Variants in GPR39 observed in about 807,000 individuals in gnomAD.
The protein encoded by GPR39 is zinc sensing receptor.
GPR39 carries 23 observed loss-of-function variants against 18.4 expected under a neutral mutation model. The ratio of observed to expected loss-of-function variants is 1.25; its 90% CI spans 0.90 to 1.77. The LOEUF (loss-of-function observed/expected upper bound fraction) is 1.77, where lower values mean the gene tolerates loss of function less well. Among genes scored for constraint, GPR39 ranks in the 40% most tolerant of loss-of-function variants. The probability of loss-of-function intolerance (pLI) is 0.00; values close to 1 mark genes in which losing one functional copy is unlikely to be tolerated. For missense variants in GPR39, 647 were observed against 602.4 expected, an observed-to-expected ratio of 1.07 and a Z score of -0.78; for synonymous variants, 280 against 257.9, an observed-to-expected ratio of 1.09 and a Z score of -0.82.
At chr2:132,515,232 T>C (rs1397397398) in intron 1 of GPR39, among the ~76,000 whole-genome samples, 1 of 152,152 alleles carries the variant, frequency 6.6e-6, no homozygotes, top group Non-Finnish European at 1.5e-5. Context: ...TAAGTCTCCT[T>C]CTAGTGACAA....
intron 1 of GPR39, among the ~76,000 whole-genome samples, chr2:132,542,055 G>A (rs554900612): frequency 1.4e-4 from 22 of 152,180 alleles, no homozygotes; most frequent in African/African-American, 4.8e-4. Flanking sequence ...ATGAAGCTCT[G>A]CTCTCAGGAC....
chr2:132,480,062 G>A (rs1479774167), intron 1 of GPR39, among the ~76,000 whole-genome samples: 2 of 152,186 alleles, frequency 1.3e-5, no homozygotes, highest in African/African-American at 4.8e-5. Context: ...ACGTGTAGTG[G>A]AATATTATTC....
At chr2:132,530,470 G>T (rs561097921) in intron 1 of GPR39, among the ~76,000 whole-genome samples, 1 of 152,132 alleles carries the variant, frequency 6.6e-6, no homozygotes, top group Admixed American at 6.5e-5. Flanking sequence ...ATCTAGCAAG[G>T]CAGGCCAACA....
intron 1 of GPR39, among the ~76,000 whole-genome samples, chr2:132,452,072 GT>G (rs1409485959): frequency 6.6e-6 from 1 of 152,096 alleles, no homozygotes; most frequent in Non-Finnish European, 1.5e-5. Flanking sequence ...GAGTCACACT[GT>G]TTTTTGGAGG....
intron 1 of GPR39, among the ~76,000 whole-genome samples, chr2:132,628,951 C>G (rs140046207): frequency 6.6e-6 from 1 of 152,262 alleles, no homozygotes; most frequent in African/African-American, 2.4e-5. Flanking sequence ...TCAGAGTGAC[C>G]CAGGCATGGA....
chr2:132,641,116 C>T (rs1056861205), intron 1 of GPR39, among the ~76,000 whole-genome samples: 3 of 152,126 alleles, frequency 2.0e-5, no homozygotes, highest in Non-Finnish European at 4.4e-5. Flanking sequence ...TCCCAACAGC[C>T]CTGCCAAGTA....
At chr2:132,510,413 C>T (rs553681470) in intron 1 of GPR39, among the ~76,000 whole-genome samples, 1 of 152,226 alleles carries the variant, frequency 6.6e-6, no homozygotes, top group East Asian at 1.9e-4. Context: ...AGCTGAGGGA[C>T]CCCAGAAAGC....
intron 1 of GPR39, among the ~76,000 whole-genome samples, chr2:132,455,826 T>A (rs1680711939): frequency 6.6e-6 from 1 of 152,244 alleles, no homozygotes; most frequent in Non-Finnish European, 1.5e-5. Context: ...TCTAATTTGA[T>A]TGCACTGGGG....
At chr2:132,492,043 A>ATATACACCACATATATATG (rs1558814053) in intron 1 of GPR39, among the ~76,000 whole-genome samples, 4 of 150,202 alleles carry the variant, frequency 2.7e-5, no homozygotes, top group Admixed American at 6.6e-5. Context: ...CACCACATAT[A>ATATACACCACATATATATG]TATACACCAC....
At chr2:132,571,069 C>T (rs1031899508) in intron 1 of GPR39, among the ~76,000 whole-genome samples, 2 of 152,120 alleles carry the variant, frequency 1.3e-5, no homozygotes, top group African/African-American at 4.8e-5. Flanking sequence ...GTACATTGTG[C>T]CCAAATAGTA....
chr2:132,565,031 A>T (rs542345021), intron 1 of GPR39, among the ~76,000 whole-genome samples: 1 of 151,604 alleles, frequency 6.6e-6, no homozygotes, highest in Admixed American at 6.6e-5. Context: ...GTTGGCCAGG[A>T]TGGTCTCGAA....
chr2:132,528,937 T>A (rs1158415183), intron 1 of GPR39, among the ~76,000 whole-genome samples: 3 of 152,126 alleles, frequency 2.0e-5, no homozygotes, highest in Non-Finnish European at 4.4e-5. Flanking sequence ...GCTCCCAGCA[T>A]GAGCGATGCA....
chr2:132,580,960 C>CAAAAAAAA (rs538565776), intron 1 of GPR39, among the ~76,000 whole-genome samples: 1 of 55,276 alleles, frequency 1.8e-5, no homozygotes, highest in African/African-American at 5.6e-5. Context: ...GACTCTGTCT[C>CAAAAAAAA]AAAAAAAAAA....
chr2:132,645,218 T>G lies in GPR39; in HGVS notation c.974T>G (p.Leu325Arg). Reference sequence around the variant, plus strand: ...TCCTACTTCCGGGCGTACATGATCCTCCTCCCCTTCTCGGAGACGTTTTTC... The same window carrying G: ...TCCTACTTCCGGGCGTACATGATCCGCCTCCCCTTCTCGGAGACGTTTTTC... The part of the protein sequence containing the change: ...TRSYFRAYMI[L>R]LPFSETFFYL... The change falls in exon 2 of 2, where the codon CTC becomes CGC. Residue 325 changes from leucine (L) to arginine (R), a missense_variant. Around this residue, in one of 3 missense-constraint regions of GPR39, gnomAD observed 581 missense variants for 506.8 expected, o/e 1.15. Coordinates refer to ENST00000329321, the MANE Select transcript of GPR39 (RefSeq NM_001508.3). The G allele has an allele frequency of 1.2e-6, 2 of 1,614,064 alleles. No homozygotes were observed. The highest frequency in any genetic ancestry group is 1.7e-6 in the Non-Finnish European group (2 of 1,180,014).
chr2:132,507,126 A>G (rs766381520), intron 1 of GPR39, among the ~76,000 whole-genome samples: 5 of 152,120 alleles, frequency 3.3e-5, no homozygotes, highest in Non-Finnish European at 7.4e-5. Context: ...TCTCAATACT[A>G]TCACATTGGG....
At chr2:132,496,127 A>T (rs1681637687) in intron 1 of GPR39, among the ~76,000 whole-genome samples, 2 of 152,192 alleles carry the variant, frequency 1.3e-5, no homozygotes, top group African/African-American at 2.4e-5. Flanking sequence ...ATTGGGCTGC[A>T]GGAGCAATAT....
intron 1 of GPR39, among the ~76,000 whole-genome samples, chr2:132,552,094 A>G (rs776997776): frequency 1.3e-5 from 2 of 152,254 alleles, no homozygotes; most frequent in Non-Finnish European, 2.9e-5. Context: ...AAATATATCT[A>G]TACTGAATAT....
chr2:132,597,308 G>C (rs1289894982), intron 1 of GPR39, among the ~76,000 whole-genome samples: 1 of 152,204 alleles, frequency 6.6e-6, no homozygotes, highest in Non-Finnish European at 1.5e-5. Flanking sequence ...TGGGCAGCAA[G>C]AACAGTGCTA....
Position 132,646,193 on chromosome 2 carries a change from A to AC in GPR39, c.*587_*588insC. 3.7e-6 allele frequency: 6 copies of AC among 1,609,648 alleles called. No homozygotes were observed. The highest frequency in any genetic ancestry group is 5.1e-6 in the Non-Finnish European group (6 of 1,177,558). ...GCAGCAGCTGATGCAAACTGAGTTC[A>AC]GTTTCCCTGGGGAGCAGAAGGACTG... On this transcript the variant is annotated 3_prime_UTR_variant, in exon 2 of 2. Transcript: ENST00000329321.
Sources: allele counts gnomAD v4.1 joint callset (sites outside exome capture counted in the v4.1 genomes callset), GRCh38; gene constraint gnomAD v4.1.1; regional missense constraint gnomAD v4.1.1; transcripts MANE v1.5; gene names NCBI Gene and HGNC (gene_info 2026-07-23, HGNC 2026-07-21).